The following CNTNAP2 variants were observed in gnomAD, a reference collection of about 807,000 sequenced individuals.
CNTNAP2 encodes contactin-associated protein-like 2.
CNTNAP2 carries 98 observed loss-of-function variants against 155.2 expected under a neutral mutation model. That is an observed-to-expected ratio of 0.63 (90% confidence interval 0.54 to 0.75). CNTNAP2 has a LOEUF of 0.75. Ranked by LOEUF, CNTNAP2 falls within the 30% of genes least tolerant of loss-of-function variation. The pLI is 0.00. For synonymous variants in CNTNAP2, 651 were observed against 631.2 expected (o/e 1.03, Z -0.47); for missense variants, 1,727 against 1,688.1 (o/e 1.02, Z -0.40).
intron 1 of CNTNAP2, among the ~76,000 whole-genome samples, chr7:146,591,375 A>T: frequency 6.6e-6 from 1 of 152,258 alleles, no homozygotes. Flanking sequence ...ATTGGTTGTG[A>T]CATTTAAAGG....
chr7:148,061,559 C>T (rs142352568), intron 15 of CNTNAP2, among the ~76,000 whole-genome samples: 2,503 of 151,892 alleles, frequency 0.016, 40 homozygotes, highest in Middle Eastern at 0.034. Context: ...TTCACCATGT[C>T]GGCCAGGCCT....
chr7:148,265,323 G>A (rs1796648656), intron 20 of CNTNAP2, among the ~76,000 whole-genome samples: 1 of 152,122 alleles, frequency 6.6e-6, no homozygotes, highest in African/African-American at 2.4e-5. Context: ...ACCTAGGCTG[G>A]AGCACAGTGG....
chr7:148,036,682 A>C (rs1011859202), intron 15 of CNTNAP2, among the ~76,000 whole-genome samples: 1 of 152,148 alleles, frequency 6.6e-6, no homozygotes, highest in Non-Finnish European at 1.5e-5. Context: ...AACAGCACAA[A>C]GTGGACTAAG....
chr7:147,903,858 G>A, intron 14 of CNTNAP2, 137 bp downstream of exon 14: 1 of 1,118,662 alleles, frequency 8.9e-7, no homozygotes, highest in Admixed American at 2.0e-5. Flanking sequence ...TAACCCAACT[G>A]ACAAATGTCA....
intron 18 of CNTNAP2, among the ~76,000 whole-genome samples, chr7:148,212,660 T>G (rs1395057722): frequency 6.6e-6 from 1 of 152,190 alleles, no homozygotes; most frequent in African/African-American, 2.4e-5. Flanking sequence ...TTGGGCTTGT[T>G]AATTTAGAGT....
At chr7:146,708,658 G>C (rs528813136) in intron 1 of CNTNAP2, among the ~76,000 whole-genome samples, 1 of 137,682 alleles carries the variant, frequency 7.3e-6, no homozygotes, top group Non-Finnish European at 1.5e-5. Context: ...GTGTGGTGGC[G>C]TGATCTCATC....
chr7:146,669,551 A>G (rs1449204265), intron 1 of CNTNAP2, among the ~76,000 whole-genome samples: 4 of 152,182 alleles, frequency 2.6e-5, no homozygotes, highest in African/African-American at 9.7e-5. Context: ...TGTTTTAAGT[A>G]TATATTGAAA....
At chr7:147,614,287 A>C (rs894132570) in intron 12 of CNTNAP2, among the ~76,000 whole-genome samples, 1 of 152,144 alleles carries the variant, frequency 6.6e-6, no homozygotes, top group Non-Finnish European at 1.5e-5. Flanking sequence ...TTGAAAATGG[A>C]ATTAATTTAT....
At chr7:146,549,868 C>T (rs1798088643) in intron 1 of CNTNAP2, among the ~76,000 whole-genome samples, 1 of 151,990 alleles carries the variant, frequency 6.6e-6, no homozygotes, top group African/African-American at 2.4e-5. Flanking sequence ...ATATATCAAC[C>T]TCCCTGTCAA....
At chr7:146,680,636 C>T (rs149315955) in intron 1 of CNTNAP2, among the ~76,000 whole-genome samples, 5 of 152,270 alleles carry the variant, frequency 3.3e-5, no homozygotes, top group Non-Finnish European at 5.9e-5. Flanking sequence ...CATATCATAG[C>T]GTATGTGTGA....
intron 8 of CNTNAP2, among the ~76,000 whole-genome samples, chr7:147,214,049 C>T (rs1315510923): frequency 6.6e-6 from 1 of 152,114 alleles, no homozygotes; most frequent in East Asian, 1.9e-4. Flanking sequence ...CCTCTGGAAG[C>T]ACCTTCACAG....
At chr7:146,616,209 G>A (rs1799221183) in intron 1 of CNTNAP2, among the ~76,000 whole-genome samples, 1 of 152,076 alleles carries the variant, frequency 6.6e-6, no homozygotes, top group Non-Finnish European at 1.5e-5. Context: ...TCACAACTCG[G>A]GAGCAGAAAT....
intron 6 of CNTNAP2, among the ~76,000 whole-genome samples, chr7:147,126,529 A>G (rs986879695): frequency 6.6e-5 from 10 of 152,198 alleles, no homozygotes; most frequent in Non-Finnish European, 1.3e-4. Flanking sequence ...GCTGGAGTGC[A>G]ATGGCAAGAT....
At chr7:146,874,984 C>G (rs947325290) in intron 3 of CNTNAP2, among the ~76,000 whole-genome samples, 6 of 152,148 alleles carry the variant, frequency 3.9e-5, no homozygotes, top group African/African-American at 1.4e-4. Flanking sequence ...TTGAACTGTT[C>G]TACATCAACG....
At chr7:146,313,149 G>T (rs1299361711) in intron 1 of CNTNAP2, among the ~76,000 whole-genome samples, 1 of 152,078 alleles carries the variant, frequency 6.6e-6, no homozygotes, top group East Asian at 1.9e-4. Context: ...TTCCAAAATA[G>T]GTGTACTAAT....
chr7:146,394,983 A>G (rs1795599119), intron 1 of CNTNAP2, among the ~76,000 whole-genome samples: 2 of 152,192 alleles, frequency 1.3e-5, no homozygotes, highest in African/African-American at 2.4e-5. Flanking sequence ...AAGTGAGAGC[A>G]TGTGGTATTT....
chr7:146,117,738 T>G (rs1417094120), intron 1 of CNTNAP2, among the ~76,000 whole-genome samples: 1 of 152,080 alleles, frequency 6.6e-6, no homozygotes, highest in Non-Finnish European at 1.5e-5. Flanking sequence ...CTGCCCCTGT[T>G]TTCATGAGGT....
intron 18 of CNTNAP2, among the ~76,000 whole-genome samples, chr7:148,186,766 A>T (rs944715914): frequency 2.6e-5 from 4 of 152,210 alleles, no homozygotes; most frequent in African/African-American, 9.6e-5. Context: ...GGGGTATTTA[A>T]TAGCTGATTC....
chr7:146,946,073 C>CCTTCCTTT (rs1797165204), intron 3 of CNTNAP2, among the ~76,000 whole-genome samples: 1 of 70,846 alleles, frequency 1.4e-5, no homozygotes, highest in African/African-American at 4.8e-5. Flanking sequence ...TCCTTCCTTC[C>CCTTCCTTT]CTTCCTTCCT....
Sources: allele counts gnomAD v4.1 joint callset (sites outside exome capture counted in the v4.1 genomes callset), GRCh38; gene constraint gnomAD v4.1.1; transcripts MANE v1.5; gene names NCBI Gene and HGNC (gene_info 2026-07-23, HGNC 2026-07-21).